P2RY11: variants seen among roughly 807,000 people sequenced by gnomAD.
P2RY11 encodes P2Y purinoceptor 11.
Under a neutral mutation model 2.4 loss-of-function variants are expected in P2RY11, and 3 were observed. That is an observed-to-expected ratio of 1.22 (90% CI 0.56 to 3.17). The LOEUF is 3.17. Among genes scored for constraint, P2RY11 ranks in the 30% most tolerant of loss-of-function variants. The pLI, the probability that P2RY11 is intolerant of heterozygous loss-of-function variation, is 0.03. For synonymous variants in P2RY11, 307 were observed against 237.3 expected (o/e 1.29, Z -2.70); for missense variants, 670 against 528.2 (o/e 1.27, Z -2.63).
chr19:10,114,992 CG>C lies in P2RY11; in HGVS notation c.*255del. ...CTGGCCCCCGCCACAGGACTGGAGA[CG>C]CAAGAACAAAAAGAACCAAGTAGAG... On this transcript the variant is annotated 3_prime_UTR_variant, in exon 2 of 2. Transcript: ENST00000321826. 6.6e-7 allele frequency: 1 copy of C among 1,506,660 alleles called. No individual in the cohort carries two copies. The highest frequency in any genetic ancestry group is 9.1e-7 in the Non-Finnish European group (1 of 1,100,696). The allele number at this position is 1,506,660 out of a possible 1,614,324, so 93.3% of individuals were successfully genotyped here. A position where few individuals can be genotyped will look rare whatever the true frequency, so the allele number is the denominator to read the frequency against.
rs764944778 is a variant in P2RY11 at position 10,115,076 on chromosome 19, G to T, written c.*338G>T. The stretch of plus-strand genomic sequence containing the variant: ...GCGCTCTCGGAGGCTGTCTTCTGTC[G>T]CCAAGGGTCCCGGACCGAGTACACA... On this transcript the variant is annotated 3_prime_UTR_variant, in exon 2 of 2. Coordinates refer to ENST00000321826, the MANE Select transcript of P2RY11 (RefSeq NM_002566.5). The T allele has an allele frequency of 3.1e-6, 5 of 1,613,630 alleles. No homozygotes were observed. Among genetic ancestry groups the T allele is most frequent in the Non-Finnish European group, 4.2e-6 (5 of 1,179,910 alleles).
Position 10,114,753 on chromosome 19 carries a change from A to G in P2RY11, c.*15A>G. 1 of 1,586,422 alleles carries G rather than the reference A, an allele frequency of 6.3e-7. No homozygotes were observed. The highest frequency in any genetic ancestry group is 8.6e-7 in the Non-Finnish European group (1 of 1,162,952). On this transcript the variant is annotated 3_prime_UTR_variant, in exon 2 of 2. Coordinates refer to ENST00000321826, the MANE Select transcript of P2RY11 (RefSeq NM_002566.5). The stretch of plus-strand genomic sequence containing the variant: ...TGAGCCAATGATGTGGCCTAGCGGA[A>G]GCTGCCTCCTCACCCTAGGTGTTGC...
At chr19:10,112,101 T>C in intron 1 of P2RY11, 1 of 186,818 alleles carries the variant, frequency 5.4e-6, no homozygotes, top group Non-Finnish European at 1.1e-5. Flanking sequence ...TGAGCGAAAC[T>C]CCATCTCAAA....
In P2RY11 at chr19:10,113,691, CCAG is replaced by C; in HGVS notation, c.79_81del (p.Gln27del). ...CTGCCGACGACAAACTCAGTGGGTT[CCAG>C]GGGGACTTCCTGTGGCCCATACTGG... On this transcript the variant is annotated inframe_deletion, in exon 2 of 2. Coordinates refer to ENST00000321826, the MANE Select transcript of P2RY11 (RefSeq NM_002566.5). 6.3e-7 allele frequency: 1 copy of C among 1,593,456 alleles called. No homozygotes were observed.
Position 10,113,984 on chromosome 19 carries a change from G to A in P2RY11, c.371G>A (p.Ser124Asn), listed in dbSNP as rs141896357. The A allele has an allele frequency of 6.9e-6, 11 of 1,601,460 alleles. No individual in the cohort carries two copies. The African/African-American group carries it at 1.3e-4, about 19-fold the overall frequency. Residue 124 changes from serine (S) to asparagine (N), a missense_variant, in exon 2 of 2, where the codon AGC (serine) becomes AAC (asparagine). Ser to Asn is a conservative substitution (Grantham distance 46). Transcript: ENST00000321826. ...LGSVIFITCI[S>N]LNRYLGIVHP... ...AGCGTCATCTTCATCACCTGCATCA[G>A]CCTCAACCGCTACCTGGGCATCGTG... is the stretch of plus-strand genomic sequence containing the variant.
In P2RY11 at chr19:10,113,677, A is replaced by G; in HGVS notation, c.64A>G (p.Lys22Glu). ...CAACTTCTTGGCAGCTGCCGACGAC[A>G]AACTCAGTGGGTTCCAGGGGGACTT... ...PANFLAAADD[K>E]LSGFQGDFLW... Residue 22 changes from lysine to glutamate, a missense_variant, in exon 2 of 2, where the codon AAA becomes GAA. Coordinates refer to ENST00000321826, the MANE Select transcript of P2RY11 (RefSeq NM_002566.5). 17 of 1,593,168 alleles carry G rather than the reference A, an allele frequency of 1.1e-5. No individual in the cohort carries two copies. Among genetic ancestry groups the G allele is most frequent in the Admixed American group, 5.1e-5 (3 of 58,498 alleles).
In P2RY11 at chr19:10,113,920, C is replaced by T. The variant is rs200556743; in HGVS notation, c.307C>T (p.Arg103Cys). Reference sequence around the variant, plus strand: ...CTGGCGCTATGGGGAGGCCGCGTGCCGCCTGGAGCGCTTCCTCTTCACCTG... The same window carrying T: ...CTGGCGCTATGGGGAGGCCGCGTGCTGCCTGGAGCGCTTCCTCTTCACCTG... ...KHWRYGEAAC[R>C]LERFLFTCNL... The change falls in exon 2 of 2, where the codon CGC becomes TGC. Residue 103 changes from arginine to cysteine, a missense_variant. By Grantham distance (180) the Arg-to-Cys change is radical. Coordinates refer to ENST00000321826, the MANE Select transcript of P2RY11 (RefSeq NM_002566.5). The T allele has an allele frequency of 6.8e-5, 109 of 1,604,170 alleles. No homozygotes were observed. The highest frequency in any genetic ancestry group is 6.7e-4 in the East Asian group (30 of 44,876).
chr19:10,113,682 CA>C lies in P2RY11; in HGVS notation c.70del (p.Ser24ValfsTer57). ...TCTTGGCAGCTGCCGACGACAAACT[CA>C]GTGGGTTCCAGGGGGACTTCCTGTG... Reference protein sequence around the residue: ...NFLAAADDKLSGFQGDFLWPI... With the variant: ...NFLAAADDKLXGFQGDFLWPI... On this transcript the variant is annotated frameshift_variant, in exon 2 of 2. Coordinates refer to ENST00000321826, the MANE Select transcript of P2RY11 (RefSeq NM_002566.5). LOFTEE classifies it low-confidence loss of function (END_TRUNC). 3 of 1,600,810 alleles carry C rather than the reference CA, an allele frequency of 1.9e-6. No individual in the cohort carries two copies. The highest frequency in any genetic ancestry group is 2.6e-6 in the Non-Finnish European group (3 of 1,172,366).
Position 10,114,970 on chromosome 19 carries a change from GC to G in P2RY11, c.*237del, listed in dbSNP as rs2089212516. On this transcript the variant is annotated 3_prime_UTR_variant, in exon 2 of 2. Transcript: ENST00000321826. ...CACGCCCAGAGGAGGGGAGGCACTG[GC>G]CCCCGCCACAGGACTGGAGACGCAA... The G allele has an allele frequency of 3.5e-6, 5 of 1,431,492 alleles. No homozygotes were observed. Among genetic ancestry groups the G allele is most frequent in the Non-Finnish European group, 2.9e-6 (3 of 1,042,572 alleles). The allele number at this position is 1,431,492 out of a possible 1,614,324, so 88.7% of individuals were successfully genotyped here.
At position 10,114,759 on chromosome 19, in the gene P2RY11, C is replaced by A. The variant is rs756063409; in HGVS notation, c.*21C>A. On this transcript the variant is annotated 3_prime_UTR_variant, in exon 2 of 2. Coordinates refer to ENST00000321826, the MANE Select transcript of P2RY11 (RefSeq NM_002566.5). ...AATGATGTGGCCTAGCGGAAGCTGC[C>A]TCCTCACCCTAGGTGTTGCTGGAGA... 1.8e-5 allele frequency: 28 copies of A among 1,580,470 alleles called. No homozygotes were observed. The highest frequency in any genetic ancestry group is 2.4e-5 in the Non-Finnish European group (28 of 1,160,092).
At chr19:10,112,605 C>T (rs2089128474) in intron 1 of P2RY11, 2 of 152,454 alleles carry the variant, frequency 1.3e-5, no homozygotes, top group Admixed American at 6.5e-5. Flanking sequence ...TGGGGCCTCT[C>T]GCAGGCAGGA....
Position 10,113,934 on chromosome 19 carries a change from C to T in P2RY11, c.321C>T (p.Phe107=), listed in dbSNP as rs780771940. ...YGEAACRLER[F]LFTCNLLGSV... ...AGGCCGCGTGCCGCCTGGAGCGCTT[C>T]CTCTTCACCTGCAACCTGCTGGGCA... Residue 107 remains phenylalanine (F), a synonymous_variant, in exon 2 of 2, where the codon TTC becomes TTT. Coordinates refer to ENST00000321826, the MANE Select transcript of P2RY11 (RefSeq NM_002566.5). The T allele has an allele frequency of 1.2e-6, 2 of 1,603,206 alleles. No individual in the cohort carries two copies. Among genetic ancestry groups the T allele is most frequent in the African/African-American group, 1.3e-5 (1 of 75,052 alleles).
At position 10,114,140 on chromosome 19, in the gene P2RY11, G is replaced by C; in HGVS notation, c.527G>C (p.Gly176Ala). 6.2e-7 allele frequency: 1 copy of C among 1,601,148 alleles called. No individual in the cohort carries two copies. Among genetic ancestry groups the C allele is most frequent in the East Asian group, 2.2e-5 (1 of 44,866 alleles). The change falls in exon 2 of 2, where the codon GGG (glycine) becomes GCG (alanine). Residue 176 changes from glycine (G) to alanine (A), a missense_variant. Transcript: ENST00000321826. The part of the protein sequence containing the change: ...SFSHLKRPQQ[G>A]AGNCSVARPE... The stretch of plus-strand genomic sequence containing the variant: ...TCCCACCTGAAGAGGCCGCAGCAGG[G>C]GGCGGGCAACTGCAGCGTGGCCAGG...
chr19:10,112,022 A>G lies in P2RY11; in HGVS notation c.19+282A>G, dbSNP rs533236309. Reference sequence around the variant, plus strand: ...CTACTCGGGAGGCTGAGACAAGAGAATCACTTAAACCCGGGAGGCGGAGGT... The same window carrying G: ...CTACTCGGGAGGCTGAGACAAGAGAGTCACTTAAACCCGGGAGGCGGAGGT... On this transcript the variant is annotated intron_variant, in intron 1 of 1. Coordinates refer to ENST00000321826, the MANE Select transcript of P2RY11 (RefSeq NM_002566.5). 4.1e-5 allele frequency: 16 copies of G among 387,908 alleles called. No individual in the cohort carries two copies. In the South Asian group the frequency reaches 4.4e-4, roughly 11 times the overall value. 24.0% of individuals were successfully genotyped at this position (387,908 alleles called of 1,614,324 possible). A position where few individuals can be genotyped will look rare whatever the true frequency, so the allele number is the denominator to read the frequency against.
intron 1 of P2RY11, 42 bp from the exon 2 acceptor site, chr19:10,113,591 A>G (rs371845780): frequency 8.9e-6 from 14 of 1,574,980 alleles, no homozygotes; most frequent in Middle Eastern, 1.7e-4. Context: ...GAGCCGCCTT[A>G]TGGGGGAATA....
intron 1 of P2RY11, among the ~76,000 whole-genome samples, chr19:10,113,378 G>A (rs1290390484): frequency 2.0e-5 from 3 of 152,128 alleles, no homozygotes; most frequent in African/African-American, 4.8e-5. Context: ...TAGGGTGGCC[G>A]CTGTCTGTGT....
chr19:10,111,877 C>T (rs556199919), intron 1 of P2RY11, 137 bp downstream of exon 1: 95 of 982,696 alleles, frequency 9.7e-5, no homozygotes, highest in African/African-American at 8.2e-4. Flanking sequence ...TTTGGGAGGT[C>T]GAGGGGGGTG....
chr19:10,114,935 G>A lies in P2RY11; in HGVS notation c.*197G>A. ...GGCCACAGGGCTCCCTGCAGGGTCA[G>A]GGACCAGACCACGCCCAGAGGAGGG... is the stretch of plus-strand genomic sequence containing the variant. On this transcript the variant is annotated 3_prime_UTR_variant, in exon 2 of 2. Coordinates refer to ENST00000321826, the MANE Select transcript of P2RY11 (RefSeq NM_002566.5). The A allele has an allele frequency of 7.2e-7, 1 of 1,398,400 alleles. No homozygotes were observed. The highest frequency in any genetic ancestry group is 9.8e-7 in the Non-Finnish European group (1 of 1,021,434). The allele number at this position is 1,398,400 out of a possible 1,614,324, so 86.6% of individuals were successfully genotyped here.
Position 10,111,743 on chromosome 19 carries a change from A to G in P2RY11, c.19+3A>G, listed in dbSNP as rs548125187. 4 of 1,613,530 alleles carry G rather than the reference A, an allele frequency of 2.5e-6. No homozygotes were observed. Among genetic ancestry groups the G allele is most frequent in the Admixed American group, 1.7e-5 (1 of 59,984 alleles). Reference sequence around the variant, plus strand: ...GAGCATGGCAGCCAACGTCTCGGGTAAGGAGAAGGCATGTTGGCTGTCTCT... The same window carrying G: ...GAGCATGGCAGCCAACGTCTCGGGTGAGGAGAAGGCATGTTGGCTGTCTCT... On this transcript the variant is annotated splice_donor_region_variant and intron_variant, in intron 1 of 1. Coordinates refer to ENST00000321826, the MANE Select transcript of P2RY11 (RefSeq NM_002566.5).
Sources: gnomAD v4.1 joint callset for allele counts (sites outside exome capture counted in the v4.1 genomes callset) on GRCh38, gnomAD v4.1.1 for gene constraint, MANE v1.5 for transcripts, NCBI Gene and HGNC (gene_info 2026-07-23, HGNC 2026-07-21) for gene names.